The following CARMIL3 variants were observed in gnomAD, a reference collection of about 807,000 sequenced individuals.
The protein encoded by CARMIL3 is capping protein regulator and myosin 1 linker 3.
CARMIL3 carries 88 observed loss-of-function variants against 180.8 expected under a neutral mutation model. The ratio of observed to expected loss-of-function variants is 0.49; its 90% CI spans 0.41 to 0.58. The LOEUF is 0.58. Ranked by LOEUF, CARMIL3 falls within the 20% of genes least tolerant of loss-of-function variation. The probability of loss-of-function intolerance (pLI) is 0.00; values close to 1 mark genes in which losing one functional copy is unlikely to be tolerated. For synonymous variants in CARMIL3, 696 were observed against 714.5 expected (o/e 0.97, Z 0.41); for missense variants, 1,548 against 1,787.0 (o/e 0.87, Z 2.41).
chr14:24,056,004 CA>C (rs2035668286), intron 10 of CARMIL3, among the ~76,000 whole-genome samples: 1 of 152,188 alleles, frequency 6.6e-6, no homozygotes, highest in South Asian at 2.1e-4. Flanking sequence ...GGCCTTTCCC[CA>C]GGATGTTCCA....
intron 1 of CARMIL3, among the ~76,000 whole-genome samples, chr14:24,052,697 G>A (rs1025603811): frequency 6.6e-6 from 1 of 152,268 alleles, no homozygotes; most frequent in Admixed American, 6.5e-5. Context: ...GGCAAAGAAA[G>A]GAGTCAGGGA....
chr14:24,062,448 A>T, intron 27 of CARMIL3, 32 bp from the exon 28 acceptor site: 1 of 1,592,990 alleles, frequency 6.3e-7, no homozygotes. Flanking sequence ...CTGAGGTGCT[A>T]ATGTTCTGAG....
intron 37 of CARMIL3, 27 bp downstream of exon 37, chr14:24,068,729 A>C (rs1174311329): frequency 1.2e-6 from 2 of 1,613,288 alleles, no homozygotes; most frequent in East Asian, 4.5e-5. Flanking sequence ...TGGGTGGGGG[A>C]GGCACTTTGA....
chr14:24,066,595 G>A lies in CARMIL3; in HGVS notation c.3621G>A (p.Pro1207=), dbSNP rs563850915. 83 of 1,613,980 alleles carry A rather than the reference G, an allele frequency of 5.1e-5. No homozygotes were observed. The highest frequency in any genetic ancestry group is 6.7e-5 in the African/African-American group (5 of 74,950). Residue 1207 remains proline, a synonymous_variant, in exon 36 of 40, where the codon CCG becomes CCA. Transcript: ENST00000342740. ...AGPGSWKPPP[P]PQSTKPSFSA... is the part of the protein sequence containing the mutation. Reference sequence around the variant, plus strand: ...CTGGATCCTGGAAGCCCCCACCACCGCCCCAAAGCACCAAACCAAGCTTCA... The same window carrying A: ...CTGGATCCTGGAAGCCCCCACCACCACCCCAAAGCACCAAACCAAGCTTCA...
chr14:24,052,201 G>A lies in CARMIL3; in HGVS notation c.40+8G>A. The A allele has an allele frequency of 6.3e-7, 1 of 1,586,620 alleles. No individual in the cohort carries two copies. On this transcript the variant is annotated splice_region_variant and intron_variant, in intron 1 of 39. Coordinates refer to ENST00000342740, the MANE Select transcript of CARMIL3 (RefSeq NM_138360.4). The stretch of plus-strand genomic sequence containing the variant: ...TCACCCGCGAGTTGCAAGGTACGAG[G>A]CTGCCTCGGTCTCTGGGACGCCCCG...
intron 38 of CARMIL3, 40 bp from the exon 39 acceptor site, chr14:24,069,097 C>G: frequency 6.2e-7 from 1 of 1,609,716 alleles, no homozygotes. Context: ...CCAGCATGAG[C>G]CCCACTCCTG....
At position 24,063,553 on chromosome 14, in the gene CARMIL3, C is replaced by T; in HGVS notation, c.2979+20C>T. Reference sequence around the variant, plus strand: ...CCCAGTGTGAGTCCCTAAGGCTTCACAAGAGGATCCCCTTCACTCAGTGAC... The same window carrying T: ...CCCAGTGTGAGTCCCTAAGGCTTCATAAGAGGATCCCCTTCACTCAGTGAC... On this transcript the variant is annotated intron_variant, in intron 31 of 39. Coordinates refer to ENST00000342740, the MANE Select transcript of CARMIL3 (RefSeq NM_138360.4). 1.3e-6 allele frequency: 2 copies of T among 1,586,890 alleles called. No homozygotes were observed. Among genetic ancestry groups the T allele is most frequent in the Non-Finnish European group, 1.7e-6 (2 of 1,168,216 alleles).
At chr14:24,063,035 C>T (rs1289086274) in intron 29 of CARMIL3, 85 bp from the exon 30 acceptor site, 1 of 1,569,266 alleles carries the variant, frequency 6.4e-7, no homozygotes, top group African/African-American at 1.3e-5. Context: ...GAGCGAGGGG[C>T]AGGATGGGCT....
intron 32 of CARMIL3, 35 bp downstream of exon 32, chr14:24,064,381 G>T (rs749448505): frequency 1.2e-5 from 18 of 1,503,330 alleles, no homozygotes; most frequent in Non-Finnish European, 1.6e-5. Context: ...TTTTCAGCAG[G>T]CCCCAAGGCC....
chr14:24,057,313 C>T, intron 14 of CARMIL3, 69 bp downstream of exon 14: 1 of 1,411,464 alleles, frequency 7.1e-7, no homozygotes, highest in Admixed American at 1.8e-5. Context: ...CTCGGTCTCA[C>T]CCCCTATCCC....
chr14:24,057,393 G>A, intron 14 of CARMIL3, 149 bp downstream of exon 14: 2 of 718,822 alleles, frequency 2.8e-6, no homozygotes, highest in Non-Finnish European at 4.8e-6. Context: ...AATGTCCATA[G>A]TTCATACCTG....
Position 24,058,359 on chromosome 14 carries a change from C to T in CARMIL3, c.1392+135C>T. 3 of 900,034 alleles carry T rather than the reference C, an allele frequency of 3.3e-6. No homozygotes were observed. Among genetic ancestry groups the T allele is most frequent in the Non-Finnish European group, 5.1e-6 (3 of 586,946 alleles). The allele number at this position is 900,034 out of a possible 1,614,324, so 55.8% of individuals were successfully genotyped here. On this transcript the variant is annotated intron_variant, in intron 17 of 39. Transcript: ENST00000342740. This position sits in a 1 kb window ranked among gnomAD's most constrained non-coding sequence, Gnocchi z 6.4. ...CCTGACCTGGCCACACCACCACTTT[C>T]CCCTCTCAGTCTGGCCTCTTTTCCA... is the stretch of plus-strand genomic sequence containing the variant.
chr14:24,052,077 G>A lies in CARMIL3; in HGVS notation c.-77G>A. Reference sequence around the variant, plus strand: ...CGCTCAGCGCCCGGGCCCTGCTGAAGCCGGGTCTAGCATGTGCCGCGGCTC... The same window carrying A: ...CGCTCAGCGCCCGGGCCCTGCTGAAACCGGGTCTAGCATGTGCCGCGGCTC... On this transcript the variant is annotated 5_prime_UTR_variant, in exon 1 of 40. Coordinates refer to ENST00000342740, the MANE Select transcript of CARMIL3 (RefSeq NM_138360.4). 7 of 1,440,508 alleles carry A rather than the reference G, an allele frequency of 4.9e-6. No homozygotes were observed. The highest frequency in any genetic ancestry group is 6.4e-6 in the Non-Finnish European group (7 of 1,091,344). 89.2% of individuals were successfully genotyped at this position (1,440,508 alleles called of 1,614,324 possible).
chr14:24,059,151 C>T lies in CARMIL3; in HGVS notation c.1588C>T (p.Leu530Phe). Residue 530 changes from leucine (L) to phenylalanine (F), a missense_variant, in exon 20 of 40, where the codon CTC becomes TTC. Leu to Phe is a conservative substitution (Grantham distance 22). Transcript: ENST00000342740. The surrounding 1 kb of genome is among the most constrained non-coding windows in gnomAD (Gnocchi z 6.3). ...TCCCTGCAGGACCCTGGAGGAGATC[C>T]TCCACAAGCTGGTGCAGCTGATCCA... ...NVKAKTLEEI[L>F]HKLVQLIQEE... is the part of the protein sequence containing the mutation. The T allele has an allele frequency of 2.5e-6, 4 of 1,607,722 alleles. No homozygotes were observed. The highest frequency in any genetic ancestry group is 3.4e-6 in the Non-Finnish European group (4 of 1,177,436).
chr14:24,053,657 G>A, intron 1 of CARMIL3, 52 bp from the exon 2 acceptor site: 1 of 1,385,868 alleles, frequency 7.2e-7, no homozygotes. Flanking sequence ...TCTGGGAGGT[G>A]GGGGTGGCCA....
At position 24,056,633 on chromosome 14, in the gene CARMIL3, C is replaced by T; in HGVS notation, c.877C>T (p.Leu293=). Residue 293 remains leucine (L), a synonymous_variant, in exon 12 of 40, where the codon CTG becomes TTG. Transcript: ENST00000342740. ...NPIEDKGFLS[L]SQQLLCFPSG... ...TCTCCACTCCCCAGGTTTTCTCAGTCTGAGCCAGCAGCTCCTCTGCTTCCC... is the reference window on the plus strand; with the variant it reads ...TCTCCACTCCCCAGGTTTTCTCAGTTTGAGCCAGCAGCTCCTCTGCTTCCC... The T allele has an allele frequency of 6.2e-7, 1 of 1,613,972 alleles. No individual in the cohort carries two copies. The highest frequency in any genetic ancestry group is 2.2e-5 in the East Asian group (1 of 44,880).
chr14:24,069,232 C>A lies in CARMIL3; in HGVS notation c.4078C>A (p.Pro1360Thr). 1 of 1,614,072 alleles carries A rather than the reference C, an allele frequency of 6.2e-7. No homozygotes were observed. The change falls in exon 39 of 40, where the codon CCT becomes ACT. Residue 1360 changes from proline to threonine, a missense_variant. Physicochemically the swap from Pro to Thr is conservative, Grantham distance 38. Around this residue, in one of 4 missense-constraint regions of CARMIL3, gnomAD observed 668 missense variants for 687.8 expected, o/e 0.97. Coordinates refer to ENST00000342740, the MANE Select transcript of CARMIL3 (RefSeq NM_138360.4). The part of the protein sequence containing the change: ...CDKLEPDRRR[P>T]PDPTGTSEPG... ...CAAGCTGGAACCTGATAGAAGACGG[C>A]CTCCTGACCCCACAGGTGCTGGTGG...
At chr14:24,062,884 GGCCCT>G in intron 29 of CARMIL3, 38 bp downstream of exon 29, 1 of 1,578,250 alleles carries the variant, frequency 6.3e-7, no homozygotes, top group Non-Finnish European at 8.6e-7. Context: ...TAATAACCTG[GGCCCT>G]GCCCTTAAAC....
Position 24,057,956 on chromosome 14 carries a change from A to G in CARMIL3, c.1218-4A>G. ...CCTCGCTGACCCCAGGGGTCTCTCC[A>G]CAGGAAGGGTCGAGAGGCCCCGCCG... On this transcript the variant is annotated splice_region_variant and splice_polypyrimidine_tract_variant and intron_variant, in intron 15 of 39. Coordinates refer to ENST00000342740, the MANE Select transcript of CARMIL3 (RefSeq NM_138360.4). 2 of 1,613,282 alleles carry G rather than the reference A, an allele frequency of 1.2e-6. No homozygotes were observed. The highest frequency in any genetic ancestry group is 1.7e-6 in the Non-Finnish European group (2 of 1,179,908).
Sources: allele counts gnomAD v4.1 joint callset (sites outside exome capture counted in the v4.1 genomes callset), GRCh38; gene constraint gnomAD v4.1.1; regional missense constraint gnomAD v4.1.1; non-coding constraint Gnocchi (gnomAD v3.1); transcripts MANE v1.5; gene names NCBI Gene and HGNC (gene_info 2026-07-23, HGNC 2026-07-21).